KCNK9: variants seen among roughly 807,000 people sequenced by gnomAD.
KCNK9 encodes the protein potassium two pore domain channel subfamily K member 9.
In KCNK9, 1 loss-of-function variant was observed where a neutral mutation model predicts 10.8. The observed-to-expected ratio is 0.09, with a 90% CI of 0.03 to 0.44. The LOEUF is 0.44. Among genes scored for constraint, KCNK9 ranks in the 20% least tolerant of loss-of-function variants. The pLI, the probability that KCNK9 is intolerant of heterozygous loss-of-function variation, is 0.97. For synonymous variants in KCNK9, 231 were observed against 222.7 expected (o/e 1.04, Z -0.33); for missense variants, 303 against 515.0 (o/e 0.59, Z 3.98).
chr8:139,679,121 C>T (rs1460713136), intron 1 of KCNK9, among the ~76,000 whole-genome samples: 1 of 152,228 alleles, frequency 6.6e-6, no homozygotes, highest in Non-Finnish European at 1.5e-5. Context: ...ACTAAGAGAA[C>T]CCCAGTTTTA....
At chr8:139,701,766 C>A (rs1817226147) in intron 1 of KCNK9, among the ~76,000 whole-genome samples, 1 of 152,188 alleles carries the variant, frequency 6.6e-6, no homozygotes, top group South Asian at 2.1e-4. Flanking sequence ...CCTGCCCCAG[C>A]TCCCACAGGT....
At chr8:139,667,336 G>A (rs1410047333) in intron 1 of KCNK9, among the ~76,000 whole-genome samples, 11 of 150,646 alleles carry the variant, frequency 7.3e-5, no homozygotes, top group Non-Finnish European at 1.5e-5. Context: ...TTGTGACCCT[G>A]CCATTGCACT....
chr8:139,620,427 C>T (rs538431696), intron 1 of KCNK9, among the ~76,000 whole-genome samples: 4 of 152,178 alleles, frequency 2.6e-5, no homozygotes, highest in African/African-American at 9.6e-5. Flanking sequence ...TCTTAGGTGG[C>T]GTTGTATGGA....
At chr8:139,696,877 G>A (rs56105471) in intron 1 of KCNK9, among the ~76,000 whole-genome samples, 89,135 of 149,242 alleles carry the variant, frequency 0.6, 26,739 homozygotes, top group African/African-American at 0.64. Flanking sequence ...AGATGGGTAG[G>A]TGGATGGATG....
chr8:139,660,453 T>TAC (rs1816126182), intron 1 of KCNK9, among the ~76,000 whole-genome samples: 2 of 101,112 alleles, frequency 2.0e-5, no homozygotes, highest in African/African-American at 1.2e-4. Context: ...AAAAAAAATA[T>TAC]ATATATATAT....
chr8:139,673,113 G>T (rs1035350728), intron 1 of KCNK9, among the ~76,000 whole-genome samples: 1 of 152,186 alleles, frequency 6.6e-6, no homozygotes, highest in African/African-American at 2.4e-5. Context: ...TGCCCCCTTA[G>T]TTGACAAATG....
rs114214765 is a variant in KCNK9 at position 139,673,588 on chromosome 8, G to A, written c.283+29122C>T. Among the ~76,000 whole-genome samples the A allele has an allele frequency of 2.9e-3, 445 of 152,348 alleles. 4 individuals are homozygous for A. The highest frequency in any genetic ancestry group is 0.01 in the African/African-American group (427 of 41,580). On this transcript the variant is annotated intron_variant, in intron 1 of 1. Coordinates refer to ENST00000520439, the MANE Select transcript of KCNK9 (RefSeq NM_001282534.2). ...TTTACAGATAGGGACAGCAGGGTTAGGAGAGCTTCAAGGGCTTTCCAGGGC... is the reference window on the plus strand; with the variant it reads ...TTTACAGATAGGGACAGCAGGGTTAAGAGAGCTTCAAGGGCTTTCCAGGGC...
chr8:139,606,666 A>G (rs572428639), intron 2 of KCNK9, among the ~76,000 whole-genome samples: 1 of 152,208 alleles, frequency 6.6e-6, no homozygotes, highest in Non-Finnish European at 1.5e-5. Flanking sequence ...AGGGATTATC[A>G]GCAATTTCTT....
chr8:139,645,870 CAGA>C (rs1815660613), intron 1 of KCNK9, among the ~76,000 whole-genome samples: 1 of 152,208 alleles, frequency 6.6e-6, no homozygotes. Flanking sequence ...TCCCAAGCCT[CAGA>C]CCAGACACTG....
At chr8:139,638,763 C>T (rs193161185) in intron 1 of KCNK9, among the ~76,000 whole-genome samples, 1 of 152,330 alleles carries the variant, frequency 6.6e-6, no homozygotes, top group Non-Finnish European at 1.5e-5. Flanking sequence ...TCAGCTGGCT[C>T]AGCACCCGCT....
intron 1 of KCNK9, among the ~76,000 whole-genome samples, chr8:139,663,648 C>CGTGTGTGTGTGTGTGTGTGTGTGTGT (rs34660685): frequency 1.0e-4 from 14 of 137,504 alleles, no homozygotes; most frequent in African/African-American, 3.0e-4. Flanking sequence ...CGCGTGCGCA[C>CGTGTGTGTGTGTGTGTGTGTGTGTGT]GTGTGTGTGT....
rs1814656365 is a variant in KCNK9 at position 139,618,120 on chromosome 8, A to C, written c.*138T>G. The C allele has an allele frequency of 8.0e-7, 1 of 1,249,384 alleles. No individual in the cohort carries two copies. The highest frequency in any genetic ancestry group is 1.1e-6 in the Non-Finnish European group (1 of 895,504). The allele number at this position is 1,249,384 out of a possible 1,614,324, so 77.4% of individuals were successfully genotyped here. A position where few individuals can be genotyped will look rare whatever the true frequency, so the allele number is the denominator to read the frequency against. On this transcript the variant is annotated 3_prime_UTR_variant, in exon 2 of 2. Coordinates refer to ENST00000520439, the MANE Select transcript of KCNK9 (RefSeq NM_001282534.2). This position sits in a 1 kb window ranked among gnomAD's most constrained non-coding sequence, Gnocchi z 7.9. ...AGGTGGGGGAAAATGAGACCAAGAG[A>C]CCAAGAAAGGAGGAAGGAGAGAAAG...
At chr8:139,625,735 A>C (rs1229416869) in intron 1 of KCNK9, among the ~76,000 whole-genome samples, 7 of 152,082 alleles carry the variant, frequency 4.6e-5, no homozygotes, top group Admixed American at 3.9e-4. Flanking sequence ...GAAAAAAAAA[A>C]AAAAAATGAA....
intron 1 of KCNK9, among the ~76,000 whole-genome samples, chr8:139,637,964 G>A (rs1366266074): frequency 6.6e-6 from 1 of 152,048 alleles, no homozygotes; most frequent in African/African-American, 2.4e-5. Flanking sequence ...TGAGGAAGCT[G>A]TGCTAGTACC....
chr8:139,623,971 T>C (rs890485864), intron 1 of KCNK9, among the ~76,000 whole-genome samples: 3 of 151,682 alleles, frequency 2.0e-5, no homozygotes, highest in Non-Finnish European at 4.4e-5. Context: ...TGCAGGAGGG[T>C]TGCCAACCCA....
intron 1 of KCNK9, among the ~76,000 whole-genome samples, chr8:139,654,387 G>T (rs764558140): frequency 1.3e-5 from 2 of 152,190 alleles, no homozygotes; most frequent in Non-Finnish European, 2.9e-5. Context: ...GACCCTGCCA[G>T]GCCTCCCAAG....
At chr8:139,681,025 C>T (rs1430578813) in intron 1 of KCNK9, among the ~76,000 whole-genome samples, 1 of 152,156 alleles carries the variant, frequency 6.6e-6, no homozygotes, top group Non-Finnish European at 1.5e-5. Flanking sequence ...GCTCTTTTTG[C>T]CTTGGAGCCA....
chr8:139,660,125 T>A (rs1350428530), intron 1 of KCNK9, among the ~76,000 whole-genome samples: 4 of 152,148 alleles, frequency 2.6e-5, no homozygotes, highest in African/African-American at 9.7e-5. Flanking sequence ...TTTGCTTATT[T>A]TTCTGTGACC....
chr8:139,662,409 A>T (rs1171496743), intron 1 of KCNK9, among the ~76,000 whole-genome samples: 2 of 152,110 alleles, frequency 1.3e-5, no homozygotes, highest in Non-Finnish European at 2.9e-5. Flanking sequence ...GGACTGGGTG[A>T]GTTCTTTATG....
Sources: allele counts gnomAD v4.1 joint callset (sites outside exome capture counted in the v4.1 genomes callset), GRCh38; gene constraint gnomAD v4.1.1; non-coding constraint Gnocchi (gnomAD v3.1); transcripts MANE v1.5; gene names NCBI Gene and HGNC (gene_info 2026-07-23, HGNC 2026-07-21).